TNIK: variants seen among roughly 807,000 people sequenced by gnomAD.
TNIK encodes TRAF2 and NCK interacting kinase, also known as TRAF2 and NCK-interacting protein kinase.
Under a neutral mutation model 191.3 loss-of-function variants are expected in TNIK, and 49 were observed. The observed-to-expected ratio is 0.26, with a 90% CI of 0.20 to 0.32. The LOEUF is 0.32. Ranked by LOEUF, TNIK falls within the 10% of genes least tolerant of loss-of-function variation. The pLI, the probability that TNIK is intolerant of heterozygous loss-of-function variation, is 1.00. For synonymous variants in TNIK, 594 were observed against 600.9 expected (o/e 0.99, Z 0.17); for missense variants, 1,155 against 1,702.3 (o/e 0.68, Z 5.66).
At chr3:171,454,274 G>A (rs1728535576) in intron 1 of TNIK, among the ~76,000 whole-genome samples, 1 of 152,194 alleles carries the variant, frequency 6.6e-6, no homozygotes, top group Non-Finnish European at 1.5e-5. Context: ...CTATCACTGA[G>A]AGAAGGAATG....
chr3:171,140,951 G>A (rs2108636177), intron 12 of TNIK, among the ~76,000 whole-genome samples: 1 of 152,320 alleles, frequency 6.6e-6, no homozygotes, highest in Non-Finnish European at 1.5e-5. Context: ...GCGGTGAAGT[G>A]ACATATTCAA....
At chr3:171,380,033 A>ACG (rs1559998126) in intron 1 of TNIK, among the ~76,000 whole-genome samples, 8 of 142,510 alleles carry the variant, frequency 5.6e-5, no homozygotes, top group African/African-American at 1.1e-4. Flanking sequence ...ACACGCGCAC[A>ACG]CACACACACA....
At chr3:171,249,829 C>T (rs1283662738) in intron 2 of TNIK, among the ~76,000 whole-genome samples, 1 of 152,170 alleles carries the variant, frequency 6.6e-6, no homozygotes, top group African/African-American at 2.4e-5. Context: ...CCCAACCCAA[C>T]CTACCTAGAC....
intron 21 of TNIK, among the ~76,000 whole-genome samples, chr3:171,104,677 A>G (rs1724399071): frequency 6.6e-6 from 1 of 152,124 alleles, no homozygotes. Flanking sequence ...ATATTAGTTC[A>G]ATTTTTGAAC....
Position 171,432,543 on chromosome 3 carries a change from A to G in TNIK, c.57+27464T>C, listed in dbSNP as rs534716470. ...AACTCATAGCACTAACCAGACGGAA[A>G]ATCAGGTTAACTACAAAGTAATAGA... On this transcript the variant is annotated intron_variant, in intron 1 of 32. Transcript: ENST00000436636. Among the ~76,000 whole-genome samples the G allele has an allele frequency of 4.6e-5, 7 of 152,344 alleles. No individual in the cohort carries two copies. In the East Asian group the frequency reaches 1.3e-3, roughly 29 times the overall value.
intron 2 of TNIK, among the ~76,000 whole-genome samples, chr3:171,362,987 C>T (rs958491492): frequency 1.3e-5 from 2 of 152,292 alleles, no homozygotes; most frequent in Non-Finnish European, 1.5e-5. Context: ...ACACTCTCAC[C>T]ATCCCCACTT....
At chr3:171,395,123 A>C (rs145688314) in intron 1 of TNIK, among the ~76,000 whole-genome samples, 336 of 152,314 alleles carry the variant, frequency 2.2e-3, no homozygotes, top group African/African-American at 7.9e-3. Flanking sequence ...ATTTTTATGA[A>C]GTTTATCAAA....
intron 2 of TNIK, among the ~76,000 whole-genome samples, chr3:171,235,835 T>G (rs1452600809): frequency 6.6e-6 from 1 of 152,086 alleles, no homozygotes; most frequent in Non-Finnish European, 1.5e-5. Flanking sequence ...AAAAAGTATT[T>G]TTACATACAT....
In TNIK at chr3:171,458,933, C is replaced by G. The variant is rs1480539433; in HGVS notation, c.57+1074G>C. 2.0e-5 allele frequency among the ~76,000 whole-genome samples: 3 copies of G among 152,328 alleles called. No homozygotes were observed. In the East Asian group the frequency reaches 5.8e-4, roughly 29 times the overall value. The stretch of plus-strand genomic sequence containing the variant: ...TGCCACCATCCCCACCCCTCACCCC[C>G]TTCCAGGCAGGCAGCATCTAATTAA... On this transcript the variant is annotated intron_variant, in intron 1 of 32. Transcript: ENST00000436636.
chr3:171,217,400 G>A (rs557852658), intron 3 of TNIK, among the ~76,000 whole-genome samples: 1 of 152,070 alleles, frequency 6.6e-6, no homozygotes, highest in Non-Finnish European at 1.5e-5. Context: ...CTACTAGACT[G>A]GGGAGAGAAG....
At chr3:171,321,598 A>G (rs562885371) in intron 2 of TNIK, among the ~76,000 whole-genome samples, 1 of 152,300 alleles carries the variant, frequency 6.6e-6, no homozygotes, top group East Asian at 1.9e-4. Context: ...AAAGATTAAT[A>G]ATATCAACCC....
At chr3:171,242,123 C>T (rs1745065188) in intron 2 of TNIK, among the ~76,000 whole-genome samples, 1 of 149,678 alleles carries the variant, frequency 6.7e-6, no homozygotes, top group African/African-American at 2.5e-5. Context: ...ATGTAACAAA[C>T]CTGTATGTTG....
intron 16 of TNIK, among the ~76,000 whole-genome samples, chr3:171,128,100 G>T (rs1027279581): frequency 2.0e-5 from 3 of 152,098 alleles, no homozygotes; most frequent in Non-Finnish European, 4.4e-5. Context: ...AAACTCTAAA[G>T]TACATTAGAA....
Position 171,125,952 on chromosome 3 carries a change from C to T in TNIK, c.1973G>A (p.Arg658Gln), listed in dbSNP as rs867571012. 8.1e-6 allele frequency: 13 copies of T among 1,613,944 alleles called. No homozygotes were observed. The highest frequency in any genetic ancestry group is 1.7e-4 in the Middle Eastern group (1 of 6,060). Residue 658 changes from arginine (R) to glutamine (Q), a missense_variant, in exon 17 of 33, where the codon CGA becomes CAA. Arg to Gln is a conservative substitution (Grantham distance 43, BLOSUM62 1). Coordinates refer to ENST00000436636, the MANE Select transcript of TNIK (RefSeq NM_015028.4). ...PLPTRIEKFDRSSWLRQEEDI... is the reference protein window; with the variant it reads ...PLPTRIEKFDQSSWLRQEEDI... ...TTCTTCCTGTCGTAACCAAGAGCTT[C>T]GGTCAAACTTTTCAATGCGAGTGGG... is the stretch of plus-strand genomic sequence containing the variant.
chr3:171,415,497 T>A, intron 1 of TNIK, among the ~76,000 whole-genome samples: 1 of 152,100 alleles, frequency 6.6e-6, no homozygotes, highest in East Asian at 1.9e-4. Context: ...CCTCTTCCAA[T>A]TTGAAAAGAT....
intron 1 of TNIK, among the ~76,000 whole-genome samples, chr3:171,380,543 C>T (rs1717891288): frequency 6.6e-6 from 1 of 152,248 alleles, no homozygotes; most frequent in South Asian, 2.1e-4. Flanking sequence ...AACTGTTCTT[C>T]CTACACCTAT....
intron 2 of TNIK, among the ~76,000 whole-genome samples, chr3:171,231,308 TG>T (rs1215873459): frequency 6.0e-5 from 9 of 149,616 alleles, no homozygotes; most frequent in South Asian, 2.1e-4. Flanking sequence ...TTGTTGTTGT[TG>T]TTGTTTTGTT....
At chr3:171,118,519 T>C (rs1259507581) in intron 18 of TNIK, among the ~76,000 whole-genome samples, 4 of 152,046 alleles carry the variant, frequency 2.6e-5, no homozygotes, top group African/African-American at 7.2e-5. Flanking sequence ...GGAGGCATCA[T>C]GCTACCTGAC....
chr3:171,073,800 T>A (rs1400537925), intron 28 of TNIK, among the ~76,000 whole-genome samples: 1 of 147,200 alleles, frequency 6.8e-6, no homozygotes, highest in Non-Finnish European at 1.5e-5. Context: ...AAAACCACAA[T>A]GAGATGCCAT....
Sources: allele counts gnomAD v4.1 joint callset (sites outside exome capture counted in the v4.1 genomes callset), GRCh38; gene constraint gnomAD v4.1.1; transcripts MANE v1.5; gene names NCBI Gene and HGNC (gene_info 2026-07-23, HGNC 2026-07-21).